FOXJ3: variants seen among roughly 807,000 people sequenced by gnomAD.
FOXJ3 encodes the protein forkhead box protein J3.
A neutral mutation model predicts 76.1 loss-of-function variants in FOXJ3; 22 were observed. The ratio of observed to expected loss-of-function variants is 0.29; its 90% CI spans 0.21 to 0.41. FOXJ3 has a LOEUF of 0.41. Among genes scored for constraint, FOXJ3 ranks in the 10% least tolerant of loss-of-function variants. The pLI is 1.00. For missense variants in FOXJ3, 613 were observed against 762.1 expected (o/e 0.80, Z 2.30); for synonymous variants, 269 against 261.2 (o/e 1.03, Z -0.29).
intron 4 of FOXJ3, among the ~76,000 whole-genome samples, chr1:42,233,134 T>A (rs1648296295): frequency 1.0e-5 from 1 of 99,368 alleles, no homozygotes; most frequent in Non-Finnish European, 2.2e-5. Flanking sequence ...GAGGGCTCTG[T>A]TCTGTCCCAT....
chr1:42,247,808 C>T (rs978761016), intron 4 of FOXJ3, among the ~76,000 whole-genome samples: 2 of 152,162 alleles, frequency 1.3e-5, no homozygotes, highest in African/African-American at 4.8e-5. Flanking sequence ...AGTGTATACA[C>T]AAATACTCAC....
At chr1:42,218,238 A>T (rs375458146) in intron 5 of FOXJ3, among the ~76,000 whole-genome samples, 20 of 152,232 alleles carry the variant, frequency 1.3e-4, no homozygotes, top group Admixed American at 1.1e-3. Context: ...CCACTCTGGT[A>T]TTATAATTGA....
At chr1:42,268,827 T>C (rs968054254) in intron 3 of FOXJ3, among the ~76,000 whole-genome samples, 2 of 152,134 alleles carry the variant, frequency 1.3e-5, no homozygotes, top group Admixed American at 6.5e-5. Flanking sequence ...GTGATGATAT[T>C]TGGAGGTGGA....
Position 42,189,366 on chromosome 1 carries a change from T to G in FOXJ3, c.1390A>C (p.Lys464Gln), listed in dbSNP as rs1286587276. 2 of 1,613,510 alleles carry G rather than the reference T, an allele frequency of 1.2e-6. No individual in the cohort carries two copies. Among genetic ancestry groups the G allele is most frequent in the African/African-American group, 2.7e-5 (2 of 74,924 alleles). Residue 464 changes from lysine (K) to glutamine (Q), a missense_variant, in exon 10 of 13, where the codon AAA becomes CAA. Physicochemically the swap from Lys to Gln is moderately conservative, Grantham distance 53. This residue lies in a region of FOXJ3 where 526 missense variants were observed against 601.4 expected (regional missense o/e 0.87). Transcript: ENST00000361346. ...CTGCTGGCAATTCGACAGCTTTCTT[T>G]TAGCATATCAAGTGTCGCATACCAA... The part of the protein sequence containing the change: ...NDWYATLDML[K>Q]ESCRIASSVN...
chr1:42,266,885 C>A (rs933955003), intron 3 of FOXJ3, among the ~76,000 whole-genome samples: 2 of 152,098 alleles, frequency 1.3e-5, no homozygotes, highest in Non-Finnish European at 2.9e-5. Flanking sequence ...GGAAACAAAA[C>A]CCTGGTGCCT....
At chr1:42,296,603 G>C (rs942277533) in intron 2 of FOXJ3, among the ~76,000 whole-genome samples, 6 of 152,182 alleles carry the variant, frequency 3.9e-5, no homozygotes, top group Non-Finnish European at 8.8e-5. Flanking sequence ...CTTTGTCAAA[G>C]ATCAGTTGGT....
chr1:42,237,738 G>A (rs769497986), intron 4 of FOXJ3, among the ~76,000 whole-genome samples: 56 of 150,832 alleles, frequency 3.7e-4, no homozygotes, highest in South Asian at 2.1e-3. Context: ...GTTTTCTTCC[G>A]GAAGTTTTAT....
chr1:42,216,295 G>A (rs1458711344), intron 5 of FOXJ3, among the ~76,000 whole-genome samples: 1 of 151,860 alleles, frequency 6.6e-6, no homozygotes, highest in Admixed American at 6.6e-5. Flanking sequence ...GAGGCGGGCG[G>A]ATCACGAGGT....
intron 2 of FOXJ3, among the ~76,000 whole-genome samples, chr1:42,287,922 C>T (rs1454660149): frequency 6.6e-6 from 1 of 152,086 alleles, no homozygotes; most frequent in African/African-American, 2.4e-5. Context: ...ATTGTGATCA[C>T]ACCACTGCAC....
intron 1 of FOXJ3, among the ~76,000 whole-genome samples, chr1:42,333,667 T>A (rs1035172255): frequency 6.6e-6 from 1 of 152,124 alleles, no homozygotes; most frequent in African/African-American, 2.4e-5. Flanking sequence ...GAACAATCTG[T>A]GGTCTCAAAA....
intron 1 of FOXJ3, among the ~76,000 whole-genome samples, chr1:42,323,363 TATTAAGCACCA>T (rs1194380419): frequency 6.6e-6 from 1 of 152,170 alleles, no homozygotes; most frequent in Non-Finnish European, 1.5e-5. Flanking sequence ...AACAAATATT[TATTAAGCACCA>T]ATTATTAGCC....
At chr1:42,184,744 T>C (rs866019901) in intron 11 of FOXJ3, among the ~76,000 whole-genome samples, 3 of 152,086 alleles carry the variant, frequency 2.0e-5, no homozygotes, top group Non-Finnish European at 2.9e-5. Flanking sequence ...GCCATTTAAA[T>C]AGGATGACCA....
Position 42,188,436 on chromosome 1 carries a change from C to T in FOXJ3, c.1645+301G>A, listed in dbSNP as rs535226043. Among the ~76,000 whole-genome samples, 30 of 152,218 alleles carry T rather than the reference C, an allele frequency of 2.0e-4. 1 individual carries two copies. The highest frequency in any genetic ancestry group is 6.0e-4 in the African/African-American group (25 of 41,558). On this transcript the variant is annotated intron_variant, in intron 11 of 12. Transcript: ENST00000361346. ...TTTCATAATTATGTTCCTATAAAAA[C>T]GTAAGTATCTCCAATATATTTCTTG... is the stretch of plus-strand genomic sequence containing the variant.
At chr1:42,224,261 C>T (rs1647367935) in intron 5 of FOXJ3, among the ~76,000 whole-genome samples, 1 of 151,838 alleles carries the variant, frequency 6.6e-6, no homozygotes. Flanking sequence ...TCTTCAGGAC[C>T]ATTATATGAT....
chr1:42,255,355 A>T (rs1361084034), intron 4 of FOXJ3, among the ~76,000 whole-genome samples: 1 of 152,202 alleles, frequency 6.6e-6, no homozygotes, highest in Non-Finnish European at 1.5e-5. Flanking sequence ...TAGAATGACT[A>T]CTAAAAAACT....
chr1:42,286,495 T>C (rs1653059883), intron 2 of FOXJ3, among the ~76,000 whole-genome samples: 1 of 152,144 alleles, frequency 6.6e-6, no homozygotes, highest in Non-Finnish European at 1.5e-5. Context: ...GATAAAATAA[T>C]ACCCACCCCA....
rs1412179965 is a variant in FOXJ3, at chr1:42,181,901, T to TCC, written c.1753+15_1753+16insGG. ...CACACACACACACACACACTCACTC[T>TCC]CTCTCTCTCTCTTACCTGCCATCGT... On this transcript the variant is annotated intron_variant, in intron 12 of 12. Transcript: ENST00000361346. 3 of 1,385,014 alleles carry TCC rather than the reference T, an allele frequency of 2.2e-6. No homozygotes were observed. The highest frequency in any genetic ancestry group is 1.5e-5 in the African/African-American group (1 of 68,018). The allele number at this position is 1,385,014 out of a possible 1,614,324, so 85.8% of individuals were successfully genotyped here.
At chr1:42,295,013 A>AT (rs920412082) in intron 2 of FOXJ3, among the ~76,000 whole-genome samples, 7 of 152,092 alleles carry the variant, frequency 4.6e-5, no homozygotes, top group Non-Finnish European at 7.4e-5. Flanking sequence ...AATTCTTTTT[A>AT]TTTTTTGCTT....
intron 3 of FOXJ3, among the ~76,000 whole-genome samples, chr1:42,276,386 G>A (rs1652263561): frequency 1.3e-5 from 2 of 152,072 alleles, no homozygotes; most frequent in Admixed American, 1.3e-4. Context: ...AAGGGGAAGA[G>A]AGGGGAGAGA....
Sources: allele counts gnomAD v4.1 joint callset (sites outside exome capture counted in the v4.1 genomes callset), GRCh38; gene constraint gnomAD v4.1.1; regional missense constraint gnomAD v4.1.1; transcripts MANE v1.5; gene names NCBI Gene and HGNC (gene_info 2026-07-23, HGNC 2026-07-21).